Variants in PMS1 observed in about 807,000 individuals in gnomAD.
PMS1 encodes the protein PMS1 protein homolog 1.
Under a neutral mutation model 93.1 loss-of-function variants are expected in PMS1, and 79 were observed. That is an observed-to-expected ratio of 0.85 (90% CI 0.71 to 1.02). The LOEUF (loss-of-function observed/expected upper bound fraction) is 1.02, where lower values mean the gene tolerates loss of function less well. PMS1 is among the 50% of genes least tolerant of loss of function. The pLI, the probability that PMS1 is intolerant of heterozygous loss-of-function variation, is 0.00. For synonymous variants in PMS1, 335 were observed against 363.4 expected, an observed-to-expected ratio of 0.92 and a Z score of 0.89; for missense variants, 1,064 against 1,085.3, an observed-to-expected ratio of 0.98 and a Z score of 0.28.
rs375640863 is a variant in PMS1, at chr2:189,854,759, A to G, written c.1487A>G (p.Asp496Gly). 12 of 1,613,762 alleles carry G rather than the reference A, an allele frequency of 7.4e-6. No individual in the cohort carries two copies. Among genetic ancestry groups the G allele is most frequent in the Non-Finnish European group, 1.0e-5 (12 of 1,179,858 alleles). The change falls in exon 9 of 13, where the codon GAT (aspartate) becomes GGT (glycine). Residue 496 changes from aspartate to glycine, a missense_variant. Transcript: ENST00000441310. ...GAAAACTCTTCGGAAATTTCTGCAG[A>G]TGAGTGGAGCAGGGGAAATATACTT... ...GLENSSEISA[D>G]EWSRGNILKN...
At chr2:189,852,466 C>G (rs1172165582) in intron 6 of PMS1, among the ~76,000 whole-genome samples, 189 bp from the exon 7 acceptor site, 2 of 152,164 alleles carry the variant, frequency 1.3e-5, no homozygotes, top group Non-Finnish European at 2.9e-5. Context: ...CAGACAGCAC[C>G]AGTGTAGCAT....
intron 2 of PMS1, 48 bp from the exon 3 acceptor site, chr2:189,795,721 A>G: frequency 7.2e-7 from 1 of 1,393,978 alleles, no homozygotes; most frequent in Non-Finnish European, 1.0e-6. Context: ...AAGTGTGATA[A>G]CAGTTTAATA....
At chr2:189,821,468 A>AG (rs1559256256) in intron 5 of PMS1, among the ~76,000 whole-genome samples, 10 of 147,336 alleles carry the variant, frequency 6.8e-5, no homozygotes, top group Non-Finnish European at 9.0e-5. Flanking sequence ...AAAAAAAAAA[A>AG]AAAGAAAGAA....
chr2:189,821,137 A>G (rs2051818860), intron 5 of PMS1, among the ~76,000 whole-genome samples: 1 of 152,198 alleles, frequency 6.6e-6, no homozygotes, highest in Non-Finnish European at 1.5e-5. Flanking sequence ...GTAAAATATA[A>G]AGAGAAATAG....
chr2:189,855,977 ATC>A (rs2055287673), intron 9 of PMS1: 1 of 378,692 alleles, frequency 2.6e-6, no homozygotes, highest in Non-Finnish European at 3.9e-6. Context: ...GTAATCCATC[ATC>A]TGGAGTTTAT....
chr2:189,859,020 A>T (rs1305276679), intron 9 of PMS1, among the ~76,000 whole-genome samples: 1 of 152,174 alleles, frequency 6.6e-6, no homozygotes, highest in African/African-American at 2.4e-5. Flanking sequence ...AGATTATTAT[A>T]TGCAGATAAT....
At chr2:189,808,809 T>A (rs1056911318) in intron 4 of PMS1, among the ~76,000 whole-genome samples, 1 of 152,202 alleles carries the variant, frequency 6.6e-6, no homozygotes, top group Non-Finnish European at 1.5e-5. Flanking sequence ...AGCATTTTTT[T>A]AAACTAAAAA....
intron 5 of PMS1, among the ~76,000 whole-genome samples, chr2:189,825,847 T>TTTG (rs5743055): frequency 0.033 from 5,008 of 152,208 alleles, 274 homozygotes; most frequent in African/African-American, 0.11. Context: ...TGTCTTTGTT[T>TTTG]TTGTTGTTGT....
intron 4 of PMS1, among the ~76,000 whole-genome samples, chr2:189,813,155 A>T (rs867182725): frequency 6.6e-6 from 1 of 152,234 alleles, no homozygotes; most frequent in African/African-American, 2.4e-5. Flanking sequence ...AGATAGACCT[A>T]TAAGACTTAT....
intron 3 of PMS1, among the ~76,000 whole-genome samples, chr2:189,801,354 A>G (rs1404275751): frequency 6.6e-6 from 1 of 152,212 alleles, no homozygotes; most frequent in Non-Finnish European, 1.5e-5. Context: ...GTCATCTTCA[A>G]TGTTTAATTA....
intron 5 of PMS1, among the ~76,000 whole-genome samples, chr2:189,822,096 A>T (rs2051957280): frequency 1.3e-5 from 2 of 152,094 alleles, no homozygotes; most frequent in African/African-American, 4.8e-5. Flanking sequence ...CCTGCGTGAG[A>T]GGGCAGAGGC....
At chr2:189,851,348 T>G (rs1237836929) in intron 6 of PMS1, among the ~76,000 whole-genome samples, 3 of 152,180 alleles carry the variant, frequency 2.0e-5, no homozygotes, top group Admixed American at 6.5e-5. Flanking sequence ...AATAAGTCTT[T>G]CAGAGGCTAA....
At chr2:189,798,755 TGA>T (rs1293856619) in intron 3 of PMS1, among the ~76,000 whole-genome samples, 73 of 132,694 alleles carry the variant, frequency 5.5e-4, no homozygotes, top group South Asian at 2.3e-3. Flanking sequence ...CATAAGTATT[TGA>T]TTTTTTTTTT....
intron 4 of PMS1, among the ~76,000 whole-genome samples, chr2:189,809,739 G>A (rs575566705): frequency 6.6e-6 from 1 of 152,170 alleles, no homozygotes; most frequent in East Asian, 1.9e-4. Flanking sequence ...CACTGAGGCA[G>A]GAGAATTGCA....
intron 5 of PMS1, 80 bp downstream of exon 5, chr2:189,818,260 G>A: frequency 1.1e-6 from 1 of 916,640 alleles, no homozygotes; most frequent in Non-Finnish European, 1.7e-6. Context: ...AGTTAGATAT[G>A]GGCTATGACT....
At chr2:189,802,137 C>A (rs2049946483) in intron 3 of PMS1, among the ~76,000 whole-genome samples, 1 of 152,148 alleles carries the variant, frequency 6.6e-6, no homozygotes, top group Admixed American at 6.6e-5. Context: ...TTACAGTGTA[C>A]TGAATATTAT....
intron 6 of PMS1, among the ~76,000 whole-genome samples, chr2:189,847,658 C>A (rs963287486): frequency 2.6e-5 from 4 of 152,134 alleles, no homozygotes; most frequent in Non-Finnish European, 4.4e-5. Flanking sequence ...CTCCAGTCCT[C>A]TAATTCTCTT....
chr2:189,871,983 T>C (rs1046231104), intron 11 of PMS1, among the ~76,000 whole-genome samples: 2 of 151,990 alleles, frequency 1.3e-5, no homozygotes, highest in Non-Finnish European at 2.9e-5. Flanking sequence ...AACAACCAGC[T>C]GTTGTGTGAA....
At chr2:189,797,555 G>A (rs2106241338) in intron 3 of PMS1, among the ~76,000 whole-genome samples, 1 of 152,280 alleles carries the variant, frequency 6.6e-6, no homozygotes, top group Middle Eastern at 3.4e-3. Context: ...GTGACAGGGT[G>A]ATTGTGAGGG....
Sources: gnomAD v4.1 joint callset for allele counts (sites outside exome capture counted in the v4.1 genomes callset) on GRCh38, gnomAD v4.1.1 for gene constraint, MANE v1.5 for transcripts, NCBI Gene and HGNC (gene_info 2026-07-23, HGNC 2026-07-21) for gene names.